RALGPS1: variants seen among roughly 807,000 people sequenced by gnomAD.
RALGPS1 encodes Ral GEF with PH domain and SH3 binding motif 1.
A neutral mutation model predicts 78.8 loss-of-function variants in RALGPS1; 19 were observed. That is an observed-to-expected ratio of 0.24 (90% confidence interval 0.17 to 0.35). RALGPS1 has a LOEUF of 0.35. Ranked by LOEUF, RALGPS1 falls within the 10% of genes least tolerant of loss-of-function variation. The probability of loss-of-function intolerance (pLI) is 1.00; values close to 1 mark genes in which losing one functional copy is unlikely to be tolerated. For missense variants in RALGPS1, 454 were observed against 688.3 expected (o/e 0.66, Z 3.81); for synonymous variants, 228 against 256.3 (o/e 0.89, Z 1.06).
intron 9 of RALGPS1, among the ~76,000 whole-genome samples, chr9:127,168,267 TG>T (rs982719171): frequency 2.6e-5 from 4 of 152,130 alleles, no homozygotes; most frequent in Non-Finnish European, 5.9e-5. Flanking sequence ...ACACAGCTGG[TG>T]GGTAGATATA....
At chr9:127,188,599 G>A (rs1265798024) in intron 11 of RALGPS1, among the ~76,000 whole-genome samples, 3 of 151,988 alleles carry the variant, frequency 2.0e-5, no homozygotes, top group African/African-American at 4.8e-5. Context: ...AGGCAGTGTC[G>A]GGTGGTGGGG....
intron 8 of RALGPS1, among the ~76,000 whole-genome samples, chr9:127,145,157 T>C (rs2058025921): frequency 6.6e-6 from 1 of 152,180 alleles, no homozygotes. Context: ...GAAATCCACT[T>C]TGCTGGAGGG....
chr9:127,054,055 A>G (rs919338453), intron 7 of RALGPS1, among the ~76,000 whole-genome samples: 2 of 152,146 alleles, frequency 1.3e-5, no homozygotes, highest in African/African-American at 4.8e-5. Flanking sequence ...GAGTGGAGAG[A>G]TGCTGCCAAG....
At chr9:127,160,051 C>T (rs1429783434) in intron 8 of RALGPS1, among the ~76,000 whole-genome samples, 2 of 152,056 alleles carry the variant, frequency 1.3e-5, no homozygotes, top group African/African-American at 4.8e-5. Flanking sequence ...TGAGAAAAAC[C>T]AAAACCAGAC....
intron 4 of RALGPS1, among the ~76,000 whole-genome samples, chr9:126,981,540 G>T (rs778855329): frequency 6.6e-5 from 10 of 152,200 alleles, no homozygotes; most frequent in African/African-American, 2.4e-4. Context: ...AAAGGGGTGG[G>T]TGCTGATGTG....
At chr9:127,095,924 C>T (rs555553150) in intron 8 of RALGPS1, among the ~76,000 whole-genome samples, 1 of 152,328 alleles carries the variant, frequency 6.6e-6, no homozygotes, top group Admixed American at 6.5e-5. Context: ...CCTTGCTTCC[C>T]ACTGCCCAGT....
intron 1 of RALGPS1, among the ~76,000 whole-genome samples, chr9:126,922,953 A>G (rs1256471130): frequency 6.6e-6 from 1 of 152,092 alleles, no homozygotes; most frequent in African/African-American, 2.4e-5. Context: ...TAATTGCTGG[A>G]TATGTCTGTC....
chr9:127,007,351 T>A (rs926542924), intron 4 of RALGPS1, among the ~76,000 whole-genome samples: 1 of 152,210 alleles, frequency 6.6e-6, no homozygotes, highest in Non-Finnish European at 1.5e-5. Flanking sequence ...GGTGCTTCCT[T>A]AGGCACCAGA....
chr9:127,166,770 G>T (rs2059313172), intron 9 of RALGPS1, among the ~76,000 whole-genome samples: 1 of 152,208 alleles, frequency 6.6e-6, no homozygotes, highest in African/African-American at 2.4e-5. Context: ...GATGTGGTAA[G>T]CGACTGGCCA....
At chr9:127,191,234 A>G (rs2061011246) in intron 11 of RALGPS1, among the ~76,000 whole-genome samples, 1 of 152,228 alleles carries the variant, frequency 6.6e-6, no homozygotes, top group Non-Finnish European at 1.5e-5. Context: ...TGGTACAGAC[A>G]TTTAAATGTT....
chr9:127,160,304 A>C (rs187521283), intron 8 of RALGPS1, among the ~76,000 whole-genome samples: 14 of 152,198 alleles, frequency 9.2e-5, no homozygotes, highest in Non-Finnish European at 1.8e-4. Flanking sequence ...TCCTGTGGAC[A>C]CCTCTGGTGG....
chr9:127,003,247 A>G (rs1340569844), intron 4 of RALGPS1, among the ~76,000 whole-genome samples: 1 of 152,136 alleles, frequency 6.6e-6, no homozygotes, highest in Non-Finnish European at 1.5e-5. Context: ...AAAAGAAACT[A>G]CCATCAGAGT....
intron 4 of RALGPS1, among the ~76,000 whole-genome samples, chr9:127,027,030 C>G (rs899164077): frequency 5.9e-5 from 9 of 152,288 alleles, no homozygotes; most frequent in African/African-American, 2.2e-4. Context: ...TCCTTAATGA[C>G]TCTGAGCCAG....
intron 1 of RALGPS1, among the ~76,000 whole-genome samples, chr9:126,940,493 G>A (rs11790042): frequency 0.37 from 54,570 of 145,940 alleles, 12,070 homozygotes; most frequent in Non-Finnish European, 0.48. Context: ...AGGCTGGAGT[G>A]CAGTGGCGCG....
chr9:126,977,639 A>T, intron 3 of RALGPS1, 56 bp from the exon 4 acceptor site: 1 of 1,245,356 alleles, frequency 8.0e-7, no homozygotes, highest in East Asian at 2.4e-5. Flanking sequence ...ATAAAGTAAC[A>T]TGACAGTTAT....
intron 8 of RALGPS1, among the ~76,000 whole-genome samples, chr9:127,111,511 G>A (rs2054809373): frequency 6.6e-6 from 1 of 152,190 alleles, no homozygotes; most frequent in South Asian, 2.1e-4. Context: ...TGAGCAGCTG[G>A]GAGTGCTGGA....
chr9:127,109,798 C>G (rs1564598353), intron 8 of RALGPS1, among the ~76,000 whole-genome samples: 2 of 152,196 alleles, frequency 1.3e-5, no homozygotes, highest in Non-Finnish European at 2.9e-5. Context: ...GCACAACTGT[C>G]ACATGCTGTA....
At chr9:126,990,557 C>A (rs999779565) in intron 4 of RALGPS1, among the ~76,000 whole-genome samples, 6 of 152,186 alleles carry the variant, frequency 3.9e-5, no homozygotes, top group Non-Finnish European at 8.8e-5. Context: ...CCACAGCCTC[C>A]CTGGTGTTCA....
At chr9:126,984,244 C>T (rs2041589898) in intron 4 of RALGPS1, among the ~76,000 whole-genome samples, 1 of 152,158 alleles carries the variant, frequency 6.6e-6, no homozygotes, top group Non-Finnish European at 1.5e-5. Flanking sequence ...TCTAGGACTA[C>T]AGACATGTGC....
Sources: allele counts gnomAD v4.1 joint callset (sites outside exome capture counted in the v4.1 genomes callset), GRCh38; gene constraint gnomAD v4.1.1; transcripts MANE v1.5; gene names NCBI Gene and HGNC (gene_info 2026-07-23, HGNC 2026-07-21).